Variants in IL17RB observed in about 807,000 individuals in gnomAD.
The protein encoded by IL17RB is interleukin-17 receptor B.
IL17RB carries 36 observed loss-of-function variants against 43.9 expected under a neutral mutation model. The ratio of observed to expected loss-of-function variants is 0.82; its 90% confidence interval spans 0.63 to 1.08. The LOEUF (loss-of-function observed/expected upper bound fraction) is 1.08. Among genes scored for constraint, IL17RB ranks in the 50% least tolerant of loss-of-function variants. The pLI, the probability that IL17RB is intolerant of heterozygous loss-of-function variation, is 0.00. For synonymous variants in IL17RB, 225 were observed against 225.4 expected, an observed-to-expected ratio of 1.00 and a Z score of 0.02; for missense variants, 613 against 613.6, an observed-to-expected ratio of 1.00 and a Z score of 0.01.
chr3:53,860,036 T>C, intron 9 of IL17RB, 94 bp from the exon 10 acceptor site: 3 of 846,066 alleles, frequency 3.5e-6, no homozygotes, highest in Non-Finnish European at 5.6e-6. Context: ...AAAAAATAAA[T>C]AAACCTCTAT....
chr3:53,861,945 CA>C (rs1421884437), intron 10 of IL17RB, among the ~76,000 whole-genome samples: 3 of 152,170 alleles, frequency 2.0e-5, no homozygotes, highest in Non-Finnish European at 4.4e-5. Context: ...TGTACAAATG[CA>C]ATTGGGTTTA....
At chr3:53,848,575 AG>A in intron 1 of IL17RB, 88 bp from the exon 2 acceptor site, 1 of 1,271,378 alleles carries the variant, frequency 7.9e-7, no homozygotes, top group South Asian at 1.2e-5. Context: ...TATGCATTTA[AG>A]GGGAAAATGG....
chr3:53,852,122 G>C lies in IL17RB; in HGVS notation c.350G>C (p.Gly117Ala), dbSNP rs984147471. The change falls in exon 4 of 11, where the codon GGT becomes GCT. Residue 117 changes from glycine (G) to alanine (A), a missense_variant. Gly to Ala is a moderately conservative substitution (Grantham distance 60, BLOSUM62 0). Transcript: ENST00000288167. ...CAGACTCAGACCAGACCCTCTGGTGGTAAAGTAAGCACTTTTTTGTTTTTT... is the reference window on the plus strand; with the variant it reads ...CAGACTCAGACCAGACCCTCTGGTGCTAAAGTAAGCACTTTTTTGTTTTTT... ...AFQTQTRPSG[G>A]KWTFSYIGFP... The C allele has an allele frequency of 6.2e-7, 1 of 1,613,714 alleles. No homozygotes were observed.
At chr3:53,846,813 C>T (rs942605276) in intron 1 of IL17RB, among the ~76,000 whole-genome samples, 165 bp downstream of exon 1, 1 of 152,230 alleles carries the variant, frequency 6.6e-6, no homozygotes, top group African/African-American at 2.4e-5. Flanking sequence ...CGTCAGGTTG[C>T]TTGAGTCAGG....
intron 10 of IL17RB, 62 bp downstream of exon 10, chr3:53,860,290 AAAG>A (rs1699514801): frequency 1.5e-6 from 2 of 1,341,938 alleles, no homozygotes; most frequent in Middle Eastern, 2.4e-4. Flanking sequence ...ATTTTTTTTT[AAAG>A]AAGATTCCTC....
At chr3:53,860,086 T>C (rs777238679) in intron 9 of IL17RB, 44 bp from the exon 10 acceptor site, 7 of 1,251,892 alleles carry the variant, frequency 5.6e-6, no homozygotes, top group Non-Finnish European at 7.0e-6. Flanking sequence ...AAGAGATAAG[T>C]GTGGATTTGT....
rs1576825906 is a variant in IL17RB at position 53,849,850 on chromosome 3, T to A, written c.226+55T>A. 3 of 1,506,616 alleles carry A rather than the reference T, an allele frequency of 2.0e-6. No homozygotes were observed. The East Asian group carries it at 7.0e-5, about 35-fold the overall frequency. 93.3% of individuals were successfully genotyped at this position (1,506,616 alleles called of 1,614,324 possible). On this transcript the variant is annotated intron_variant, in intron 3 of 10. Transcript: ENST00000288167. ...CAAAGTGTCTACTAAATCAGAAATG[T>A]GCAGACTATATGAACCATTAATTCC...
rs1232620000 is a variant in IL17RB at position 53,849,782 on chromosome 3, A to T, written c.213A>T (p.Val71=). The stretch of plus-strand genomic sequence containing the variant: ...CAATTTTGATGAATGTAAGCTGGGT[A>T]CTCCGGGCAGATGGTAAGTTTGCAT... ...DYSILMNVSW[V]LRADASIRLL... Residue 71 remains valine (V), a synonymous_variant, in exon 3 of 11, where the codon GTA becomes GTT. Transcript: ENST00000288167. The T allele has an allele frequency of 6.2e-7, 1 of 1,600,332 alleles. No individual in the cohort carries two copies. Among genetic ancestry groups the T allele is most frequent in the Non-Finnish European group, 8.5e-7 (1 of 1,171,164 alleles).
chr3:53,853,080 C>T, intron 5 of IL17RB, 83 bp downstream of exon 5: 1 of 1,530,824 alleles, frequency 6.5e-7, no homozygotes, highest in Admixed American at 1.7e-5. Context: ...CCAGGGAACC[C>T]TGGATAAGGC....
At chr3:53,861,751 GGT>G in intron 10 of IL17RB, among the ~76,000 whole-genome samples, 1 of 152,332 alleles carries the variant, frequency 6.6e-6, no homozygotes, top group East Asian at 1.9e-4. Flanking sequence ...AGAGGCAGCA[GGT>G]GAGTTCCCGG....
intron 10 of IL17RB, among the ~76,000 whole-genome samples, chr3:53,862,547 G>A (rs940439372): frequency 2.0e-5 from 3 of 152,178 alleles, no homozygotes; most frequent in East Asian, 1.9e-4. Context: ...AAGGTGGGGG[G>A]TGAAGGGTTT....
intron 6 of IL17RB, 80 bp from the exon 7 acceptor site, chr3:53,856,764 G>T (rs559126111): frequency 7.0e-7 from 1 of 1,438,494 alleles, no homozygotes; most frequent in African/African-American, 1.4e-5. Flanking sequence ...ACTTGGGTTT[G>T]TTTCCATAAA....
At chr3:53,852,272 G>GT in intron 4 of IL17RB, 146 bp downstream of exon 4, 1 of 753,348 alleles carries the variant, frequency 1.3e-6, no homozygotes, top group Non-Finnish European at 2.2e-6. Context: ...CTCCCAAGCA[G>GT]CTGGGACTAC....
At position 53,858,714 on chromosome 3, in the gene IL17RB, C is replaced by T; in HGVS notation, c.748-5C>T. On this transcript the variant is annotated splice_polypyrimidine_tract_variant and splice_region_variant and intron_variant, in intron 8 of 10. Coordinates refer to ENST00000288167, the MANE Select transcript of IL17RB (RefSeq NM_018725.4). ...GAACTTTCTGAGCCTCTTGTTTTTCCTCAGCTGACTCCATATTTTCCTACT... is the reference window on the plus strand; with the variant it reads ...GAACTTTCTGAGCCTCTTGTTTTTCTTCAGCTGACTCCATATTTTCCTACT... The T allele has an allele frequency of 3.7e-6, 6 of 1,613,836 alleles. No individual in the cohort carries two copies. In the South Asian group the frequency reaches 6.6e-5, roughly 18 times the overall value.
At chr3:53,864,413 T>C (rs1026777679) in intron 10 of IL17RB, among the ~76,000 whole-genome samples, 4 of 152,038 alleles carry the variant, frequency 2.6e-5, no homozygotes, top group Admixed American at 2.0e-4. Flanking sequence ...CGGGCGCCTG[T>C]AGTCCCAGCT....
chr3:53,852,142 T>A lies in IL17RB; in HGVS notation c.354+16T>A. 6.2e-7 allele frequency: 1 copy of A among 1,613,358 alleles called. No individual in the cohort carries two copies. Among genetic ancestry groups the A allele is most frequent in the South Asian group, 1.1e-5 (1 of 91,026 alleles). ...TGGTGGTAAAGTAAGCACTTTTTTG[T>A]TTTTTGTTTTGTTTTTTGAGATAGC... On this transcript the variant is annotated intron_variant, in intron 4 of 10. Transcript: ENST00000288167.
chr3:53,849,706 G>A lies in IL17RB; in HGVS notation c.137G>A (p.Arg46Lys). 6.2e-7 allele frequency: 1 copy of A among 1,612,918 alleles called. No homozygotes were observed. The highest frequency in any genetic ancestry group is 8.5e-7 in the Non-Finnish European group (1 of 1,179,520). ...LQHDLIPGDL[R>K]DLRVEPVTTS... ...CATGATCTAATCCCCGGAGACTTGA[G>A]GGACCTCCGAGTAGAACCTGTTACA... Residue 46 changes from arginine (R) to lysine (K), a missense_variant, in exon 3 of 11, where the codon AGG becomes AAG. By Grantham distance (26) the Arg-to-Lys change is conservative. Coordinates refer to ENST00000288167, the MANE Select transcript of IL17RB (RefSeq NM_018725.4).
At chr3:53,857,989 C>CT in intron 8 of IL17RB, 1 of 353,224 alleles carries the variant, frequency 2.8e-6, no homozygotes, top group Non-Finnish European at 5.3e-6. Flanking sequence ...TTCCGCAAGC[C>CT]TTTAACTGCA....
chr3:53,860,552 T>C (rs1699526551), intron 10 of IL17RB: 1 of 190,186 alleles, frequency 5.3e-6, no homozygotes, highest in East Asian at 1.3e-4. Context: ...TCTATGCTAG[T>C]TCCTGTTTTT....
Sources: gnomAD v4.1 joint callset for allele counts (sites outside exome capture counted in the v4.1 genomes callset) on GRCh38, gnomAD v4.1.1 for gene constraint, MANE v1.5 for transcripts, NCBI Gene and HGNC (gene_info 2026-07-23, HGNC 2026-07-21) for gene names.